Variants in DNAJB6 observed in about 807,000 individuals in gnomAD.
DNAJB6 encodes dnaJ homolog subfamily B member 6.
DNAJB6 carries 16 observed loss-of-function variants against 42.7 expected under a neutral mutation model. That is an observed-to-expected ratio of 0.37 (90% confidence interval 0.25 to 0.57). The LOEUF is 0.57. Ranked by LOEUF, DNAJB6 falls within the 20% of genes least tolerant of loss-of-function variation. The probability of loss-of-function intolerance (pLI) is 0.74; values close to 1 mark genes in which losing one functional copy is unlikely to be tolerated. For synonymous variants in DNAJB6, 170 were observed against 163.5 expected, an observed-to-expected ratio of 1.04 and a Z score of -0.30; for missense variants, 347 against 416.8, an observed-to-expected ratio of 0.83 and a Z score of 1.46.
At chr7:157,347,802 A>G (rs989409104) in intron 1 of DNAJB6, among the ~76,000 whole-genome samples, 5 of 152,012 alleles carry the variant, frequency 3.3e-5, no homozygotes, top group Non-Finnish European at 7.4e-5. Flanking sequence ...TTGTTTATTT[A>G]TTTGTTTTTT....
chr7:157,346,963 C>T (rs1039456750), intron 1 of DNAJB6, among the ~76,000 whole-genome samples: 2 of 152,242 alleles, frequency 1.3e-5, no homozygotes, highest in Non-Finnish European at 2.9e-5. Context: ...TCACACCGTT[C>T]TCCTGCCTCA....
chr7:157,364,478 C>T (rs532442391), intron 3 of DNAJB6, among the ~76,000 whole-genome samples: 1 of 152,082 alleles, frequency 6.6e-6, no homozygotes, highest in Non-Finnish European at 1.5e-5. Flanking sequence ...GAGGATCTTG[C>T]TATGTTTCCT....
chr7:157,409,677 C>T, intron 8 of DNAJB6, 118 bp from the exon 9 acceptor site: 1 of 1,157,680 alleles, frequency 8.6e-7, no homozygotes, highest in Non-Finnish European at 1.2e-6. Flanking sequence ...TTCTCCTGCC[C>T]GGAGATGGCG....
At chr7:157,393,259 G>C (rs1584935956) in intron 8 of DNAJB6, among the ~76,000 whole-genome samples, 1 of 152,302 alleles carries the variant, frequency 6.6e-6, no homozygotes, top group African/African-American at 2.4e-5. Flanking sequence ...TTACAGGTGT[G>C]AGCCACTGCG....
chr7:157,395,139 T>G (rs1024106534), intron 8 of DNAJB6, among the ~76,000 whole-genome samples: 3 of 151,978 alleles, frequency 2.0e-5, no homozygotes, highest in Non-Finnish European at 4.4e-5. Context: ...AGCAGAGAGT[T>G]AGCTGTTTGT....
chr7:157,405,987 C>T (rs1163176597), intron 8 of DNAJB6, among the ~76,000 whole-genome samples: 1 of 152,212 alleles, frequency 6.6e-6, no homozygotes, highest in Non-Finnish European at 1.5e-5. Flanking sequence ...GTGAGGTGAA[C>T]AGAGCCTCCA....
At chr7:157,361,660 G>T (rs1339775296) in intron 2 of DNAJB6, among the ~76,000 whole-genome samples, 3 of 152,148 alleles carry the variant, frequency 2.0e-5, no homozygotes, top group Admixed American at 2.0e-4. Context: ...ATTTTGAGGG[G>T]TATGCTGCTT....
chr7:157,396,772 A>C (rs1801604815), intron 8 of DNAJB6, among the ~76,000 whole-genome samples: 1 of 152,084 alleles, frequency 6.6e-6, no homozygotes, highest in Admixed American at 6.6e-5. Context: ...GGCACAAATC[A>C]AAGGGACCCA....
At chr7:157,363,318 T>C (rs751315424) in intron 3 of DNAJB6, 48 bp downstream of exon 3, 1 of 1,315,082 alleles carries the variant, frequency 7.6e-7, no homozygotes, top group East Asian at 2.4e-5. Context: ...CATGCCGGAA[T>C]GCGGAGTGGG....
chr7:157,368,596 G>C (rs1157146855), intron 5 of DNAJB6: 4 of 152,548 alleles, frequency 2.6e-5, no homozygotes, highest in Non-Finnish European at 1.5e-5. Context: ...CTGGTCCTAG[G>C]CGTTGGTGTA....
chr7:157,353,542 ACTC>A (rs1799108339), intron 1 of DNAJB6, among the ~76,000 whole-genome samples: 1 of 146,028 alleles, frequency 6.8e-6, no homozygotes, highest in Admixed American at 6.8e-5. Flanking sequence ...GTTGTCATTT[ACTC>A]TTAGTTACAG....
At chr7:157,410,082 C>A in intron 9 of DNAJB6, 81 bp downstream of exon 9, 1 of 1,460,372 alleles carries the variant, frequency 6.8e-7, no homozygotes, top group Non-Finnish European at 9.0e-7. Flanking sequence ...ACACAAACCG[C>A]GCCTGGGCTG....
In DNAJB6 at chr7:157,363,745, T is replaced by C. The variant is rs538669166; in HGVS notation, c.175+475T>C. Among the ~76,000 whole-genome samples, 5 of 152,292 alleles carry C rather than the reference T, an allele frequency of 3.3e-5. 1 individual carries two copies. The highest frequency in any genetic ancestry group is 3.3e-4 in the Admixed American group (5 of 15,280). ...ATACAGCTAAAATTTAGATTTCCAGTTTCAGGCCTGTTTTCCCCTCCTAGG... is the reference window on the plus strand; with the variant it reads ...ATACAGCTAAAATTTAGATTTCCAGCTTCAGGCCTGTTTTCCCCTCCTAGG... On this transcript the variant is annotated intron_variant, in intron 3 of 9. Coordinates refer to ENST00000262177, the MANE Select transcript of DNAJB6 (RefSeq NM_058246.4).
At chr7:157,347,977 G>T (rs1798773222) in intron 1 of DNAJB6, among the ~76,000 whole-genome samples, 1 of 151,342 alleles carries the variant, frequency 6.6e-6, no homozygotes, top group African/African-American at 2.4e-5. Context: ...TGTATTTTTA[G>T]TAGAGATGGT....
At chr7:157,383,611 TTG>T (rs57002445) in intron 6 of DNAJB6, among the ~76,000 whole-genome samples, 3,492 of 149,588 alleles carry the variant, frequency 0.023, 60 homozygotes, top group African/African-American at 0.046. Context: ...GTATGTGTGT[TTG>T]TGTGTGTGTG....
intron 9 of DNAJB6, among the ~76,000 whole-genome samples, chr7:157,415,714 C>T (rs1397209986): frequency 6.6e-6 from 1 of 151,826 alleles, no homozygotes; most frequent in Non-Finnish European, 1.5e-5. Flanking sequence ...GCTTCTAGCT[C>T]TGCCGCTGGG....
chr7:157,412,393 AC>A (rs1796005390), intron 9 of DNAJB6: 2 of 152,226 alleles, frequency 1.3e-5, no homozygotes, highest in Admixed American at 1.3e-4. Context: ...GAACAACTGT[AC>A]ATGCTTACAG....
intron 5 of DNAJB6, among the ~76,000 whole-genome samples, chr7:157,376,379 G>A (rs746207165): frequency 1.3e-5 from 2 of 152,146 alleles, no homozygotes; most frequent in African/African-American, 4.8e-5. Flanking sequence ...TCAGGGAATA[G>A]CATGATATTG....
chr7:157,376,422 C>T (rs192942398), intron 5 of DNAJB6, among the ~76,000 whole-genome samples: 102 of 152,180 alleles, frequency 6.7e-4, no homozygotes, highest in Non-Finnish European at 1.2e-3. Flanking sequence ...CTATACGATG[C>T]CCAGAATGTT....
Sources: allele counts gnomAD v4.1 joint callset (sites outside exome capture counted in the v4.1 genomes callset), GRCh38; gene constraint gnomAD v4.1.1; transcripts MANE v1.5; gene names NCBI Gene and HGNC (gene_info 2026-07-23, HGNC 2026-07-21).